Variants in LCOR observed in about 807,000 individuals in gnomAD.
LCOR encodes the protein ligand dependent nuclear receptor corepressor, also known as ligand-dependent corepressor.
Under a neutral mutation model 64.4 loss-of-function variants are expected in LCOR, and 14 were observed. The observed-to-expected ratio is 0.22, with a 90% confidence interval of 0.14 to 0.34. LCOR has a LOEUF of 0.34. LCOR is among the 10% of genes least tolerant of loss of function. The pLI, the probability that LCOR is intolerant of heterozygous loss-of-function variation, is 1.00. For synonymous variants in LCOR, 643 were observed against 642.5 expected, an observed-to-expected ratio of 1.00 and a Z score of -0.01; for missense variants, 1,686 against 1,765.3, an observed-to-expected ratio of 0.96 and a Z score of 0.80.
At chr10:96,861,108 A>G (rs1410559343) in intron 2 of LCOR, among the ~76,000 whole-genome samples, 2 of 152,132 alleles carry the variant, frequency 1.3e-5, no homozygotes, top group Non-Finnish European at 2.9e-5. Context: ...TTTGGTTTCT[A>G]ATTTATAGAA....
chr10:96,845,449 CTTTTTTTTTTTTTTTTTTTTTTTTT>C (rs762639752), intron 2 of LCOR, among the ~76,000 whole-genome samples: 33 of 48,662 alleles, frequency 6.8e-4, no homozygotes, highest in African/African-American at 2.6e-3. Context: ...TGGGCTTATC[CTTTTTTTTTTTTTTTTTTTTTTTTT>C]TTTTTTTTTT....
At chr10:96,931,049 G>T (rs1278110796) in intron 4 of LCOR, among the ~76,000 whole-genome samples, 1 of 151,742 alleles carries the variant, frequency 6.6e-6, no homozygotes, top group Admixed American at 6.6e-5. Context: ...CATAATAAAG[G>T]CTCCTATTAG....
At chr10:96,906,253 A>G (rs1564621439) in intron 2 of LCOR, among the ~76,000 whole-genome samples, 1 of 152,188 alleles carries the variant, frequency 6.6e-6, no homozygotes, top group South Asian at 2.1e-4. Flanking sequence ...CAGTAATCCT[A>G]TGCCTTTGAA....
chr10:96,955,143 C>T, intron 7 of LCOR: 1 of 1,614,184 alleles, frequency 6.2e-7, no homozygotes, highest in African/African-American at 1.3e-5. Context: ...AGCTGCCAGC[C>T]TTGGGCCATC....
rs1365081314 is a variant in LCOR, at chr10:96,986,925, C to T, written c.*1791C>T. Reference sequence around the variant, plus strand: ...ATTCTGTTAAAGGTTTGCTGTATATCATGGGAACTTCTGATGATTGGATAA... The same window carrying T: ...ATTCTGTTAAAGGTTTGCTGTATATTATGGGAACTTCTGATGATTGGATAA... On this transcript the variant is annotated 3_prime_UTR_variant, in exon 8 of 8. Coordinates refer to ENST00000421806, the MANE Select transcript of LCOR (RefSeq NM_001346516.2). 2 of 152,192 alleles carry T rather than the reference C, an allele frequency of 1.3e-5. No homozygotes were observed. The highest frequency in any genetic ancestry group is 2.9e-5 in the Non-Finnish European group (2 of 68,040). 9.4% of individuals were successfully genotyped at this position (152,192 alleles called of 1,614,324 possible).
In LCOR at chr10:96,920,749, T is replaced by TACAC. The variant is rs1554837290; in HGVS notation, c.-184+13003_-184+13004insCACA. 1.7e-3 allele frequency among the ~76,000 whole-genome samples: 139 copies of TACAC among 80,398 alleles called. 3 individuals carry two copies. The highest frequency in any genetic ancestry group is 2.3e-3 in the South Asian group (5 of 2,158). 52.7% of individuals were successfully genotyped at this position (80,398 alleles called of 152,430 possible). A position where few individuals can be genotyped will look rare whatever the true frequency, so the allele number is the denominator to read the frequency against. On this transcript the variant is annotated intron_variant, in intron 4 of 7. Transcript: ENST00000421806. The stretch of plus-strand genomic sequence containing the variant: ...ATGTTCATATATATGTGTATATATG[T>TACAC]ATACACACACACACACACACACACA...
rs200954730 is a variant in LCOR at position 96,984,689 on chromosome 10, G to A, written c.4229G>A (p.Ser1410Asn). The change falls in exon 8 of 8, where the codon AGT (serine) becomes AAT (asparagine). Residue 1410 changes from serine to asparagine, a missense_variant. Ser to Asn is a conservative substitution (Grantham distance 46). Around this residue, in one of 3 missense-constraint regions of LCOR, gnomAD observed 1,293 missense variants for 1,410.4 expected, o/e 0.92. Coordinates refer to ENST00000421806, the MANE Select transcript of LCOR (RefSeq NM_001346516.2). ...KRTEGSSPPDSKNKGPTVKAS... is the reference protein window; with the variant it reads ...KRTEGSSPPDNKNKGPTVKAS... ...ACAGAAGGCAGCAGCCCTCCAGATA[G>A]TAAGAACAAGGGGCCTACGGTGAAA... 1.0e-4 allele frequency: 161 copies of A among 1,614,014 alleles called. No homozygotes were observed. Among genetic ancestry groups the A allele is most frequent in the Non-Finnish European group, 2.0e-5 (24 of 1,180,056 alleles).
intron 2 of LCOR, among the ~76,000 whole-genome samples, chr10:96,864,612 A>G (rs1012471329): frequency 2.0e-5 from 3 of 152,240 alleles, no homozygotes; most frequent in Admixed American, 2.0e-4. Context: ...TGTTCTCTGC[A>G]TGTATGTATG....
intron 7 of LCOR, chr10:96,955,471 C>A: frequency 6.2e-7 from 1 of 1,614,082 alleles, no homozygotes; most frequent in Non-Finnish European, 8.5e-7. Context: ...GGTTCACAAA[C>A]GGAGAGCGCG....
rs1473708506 is a variant in LCOR, at chr10:96,906,120, T to A, written c.-329-1145T>A. On this transcript the variant is annotated intron_variant, in intron 2 of 7. Transcript: ENST00000421806. ...TTTAAATTAAGGGGTACCTTATCTTTTAAGCATGGGAGTGCTTTTTAACAA... is the reference window on the plus strand; with the variant it reads ...TTTAAATTAAGGGGTACCTTATCTTATAAGCATGGGAGTGCTTTTTAACAA... 2.6e-5 allele frequency among the ~76,000 whole-genome samples: 4 copies of A among 152,304 alleles called. No individual in the cohort carries two copies. The East Asian group carries it at 7.7e-4, about 29-fold the overall frequency.
At chr10:96,975,827 C>T (rs200967369) in intron 7 of LCOR, among the ~76,000 whole-genome samples, 3 of 151,956 alleles carry the variant, frequency 2.0e-5, no homozygotes, top group Non-Finnish European at 4.4e-5. Flanking sequence ...CCAGCCTGAC[C>T]AACATGGCAA....
At chr10:96,920,655 T>C (rs536457367) in intron 4 of LCOR, among the ~76,000 whole-genome samples, 60 of 134,454 alleles carry the variant, frequency 4.5e-4, no homozygotes, top group Non-Finnish European at 2.3e-4. Flanking sequence ...TATATATGTG[T>C]ATATATGTAT....
chr10:96,934,964 T>C (rs904882157), intron 4 of LCOR, among the ~76,000 whole-genome samples: 2 of 152,130 alleles, frequency 1.3e-5, no homozygotes, highest in African/African-American at 4.8e-5. Context: ...ATAATAAATA[T>C]TCCTAAATTT....
At chr10:96,935,661 C>G (rs1361535396) in intron 4 of LCOR, among the ~76,000 whole-genome samples, 2 of 152,076 alleles carry the variant, frequency 1.3e-5, no homozygotes, top group African/African-American at 4.8e-5. Context: ...AGTGAGACTC[C>G]TTCTCTACAA....
intron 4 of LCOR, among the ~76,000 whole-genome samples, chr10:96,918,277 A>G (rs374933543): frequency 6.6e-6 from 1 of 152,120 alleles, no homozygotes; most frequent in Non-Finnish European, 1.5e-5. Context: ...CATGTTTGTC[A>G]AACTAATGTG....
chr10:96,947,954 G>A (rs1396303313), intron 5 of LCOR, among the ~76,000 whole-genome samples: 1 of 152,026 alleles, frequency 6.6e-6, no homozygotes, highest in Non-Finnish European at 1.5e-5. Context: ...CTTTAAATCA[G>A]GCAAGATTAG....
intron 4 of LCOR, among the ~76,000 whole-genome samples, chr10:96,937,036 G>A (rs1204830117): frequency 1.3e-5 from 2 of 152,126 alleles, no homozygotes; most frequent in African/African-American, 4.8e-5. Context: ...CAGATAAGAG[G>A]GGACCACTGT....
intron 6 of LCOR, 61 bp from the exon 7 acceptor site, chr10:96,952,042 A>G (rs1847689163): frequency 4.8e-5 from 58 of 1,196,784 alleles, no homozygotes; most frequent in Non-Finnish European, 6.3e-5. Context: ...TTTTTAGCCT[A>G]TTTAGTTTAC....
chr10:96,920,615 T>C (rs1847046819), intron 4 of LCOR, among the ~76,000 whole-genome samples: 1 of 148,114 alleles, frequency 6.8e-6, no homozygotes, highest in Non-Finnish European at 1.5e-5. Context: ...TTCATATATG[T>C]GTATATATGT....
Sources: gnomAD v4.1 joint callset for allele counts (sites outside exome capture counted in the v4.1 genomes callset) on GRCh38, gnomAD v4.1.1 for gene constraint, gnomAD v4.1.1 regional missense constraint, MANE v1.5 for transcripts, NCBI Gene and HGNC (gene_info 2026-07-23, HGNC 2026-07-21) for gene names.